PARD3B: variants seen among roughly 807,000 people sequenced by gnomAD.
PARD3B encodes the protein partitioning defective 3 homolog B.
A neutral mutation model predicts 130.2 loss-of-function variants in PARD3B; 103 were observed. The observed-to-expected ratio is 0.79, with a 90% CI of 0.67 to 0.93. The LOEUF (loss-of-function observed/expected upper bound fraction) is 0.93. PARD3B is among the 40% of genes least tolerant of loss of function. The probability of loss-of-function intolerance (pLI) is 0.00; values close to 1 mark genes in which losing one functional copy is unlikely to be tolerated. For synonymous variants in PARD3B, 583 were observed against 553.2 expected (o/e 1.05, Z -0.76); for missense variants, 1,609 against 1,499.2 (o/e 1.07, Z -1.21).
intron 16 of PARD3B, among the ~76,000 whole-genome samples, chr2:205,283,952 T>C (rs957727682): frequency 6.6e-6 from 1 of 152,154 alleles, no homozygotes; most frequent in African/African-American, 2.4e-5. Flanking sequence ...GCTCTTACCT[T>C]GGGGAAGTTA....
chr2:205,001,496 A>G (rs1694825446), intron 3 of PARD3B, among the ~76,000 whole-genome samples: 1 of 152,190 alleles, frequency 6.6e-6, no homozygotes, highest in South Asian at 2.1e-4. Context: ...CTCCAGAACA[A>G]TAGCTTTACT....
intron 1 of PARD3B, among the ~76,000 whole-genome samples, chr2:204,570,794 G>C (rs945324078): frequency 1.3e-5 from 2 of 149,990 alleles, no homozygotes; most frequent in Non-Finnish European, 3.0e-5. Context: ...ATAAGCTGTT[G>C]TAACTGAGGT....
intron 2 of PARD3B, among the ~76,000 whole-genome samples, chr2:204,944,151 A>T (rs1434164099): frequency 6.6e-6 from 1 of 152,262 alleles, no homozygotes; most frequent in African/African-American, 2.4e-5. Context: ...AACAGCAGTG[A>T]AACCAACTAA....
At chr2:205,013,952 T>C (rs1695925139) in intron 3 of PARD3B, among the ~76,000 whole-genome samples, 1 of 152,148 alleles carries the variant, frequency 6.6e-6, no homozygotes, top group Non-Finnish European at 1.5e-5. Context: ...AGAGAAGGCA[T>C]TTCATCTGTA....
chr2:204,998,358 A>ATACATATATATATATATATATATATG (rs1400529301), intron 3 of PARD3B, among the ~76,000 whole-genome samples: 5 of 69,872 alleles, frequency 7.2e-5, no homozygotes, highest in Non-Finnish European at 1.3e-4. Context: ...ATATATATAT[A>ATACATATATATATATATATATATATG]TGTGTGTGTG....
chr2:205,089,888 A>G (rs1216147144), intron 4 of PARD3B, among the ~76,000 whole-genome samples: 1 of 152,186 alleles, frequency 6.6e-6, no homozygotes, highest in Non-Finnish European at 1.5e-5. Flanking sequence ...AAATTAACCA[A>G]TATGTTTGAT....
chr2:205,003,381 G>T (rs1315419694), intron 3 of PARD3B, among the ~76,000 whole-genome samples: 1 of 152,088 alleles, frequency 6.6e-6, no homozygotes, highest in Non-Finnish European at 1.5e-5. Flanking sequence ...CATTGGGGGT[G>T]GTTATTCTGC....
chr2:205,324,629 A>T (rs1304050831), intron 18 of PARD3B, among the ~76,000 whole-genome samples: 3 of 152,084 alleles, frequency 2.0e-5, no homozygotes, highest in Admixed American at 6.6e-5. Context: ...TCCAGCTGTC[A>T]TATTCTGTGA....
intron 1 of PARD3B, among the ~76,000 whole-genome samples, chr2:204,605,134 T>C (rs1434210289): frequency 6.6e-6 from 1 of 152,200 alleles, no homozygotes; most frequent in African/African-American, 2.4e-5. Context: ...GCAAGGCTTC[T>C]TGTGACCTGG....
At chr2:204,937,224 CT>C (rs900253543) in intron 2 of PARD3B, among the ~76,000 whole-genome samples, 2 of 152,230 alleles carry the variant, frequency 1.3e-5, no homozygotes, top group African/African-American at 4.8e-5. Flanking sequence ...TTGCAGTTTA[CT>C]TTTTTTCCTC....
At chr2:205,548,142 G>C (rs1203226273) in intron 21 of PARD3B, among the ~76,000 whole-genome samples, 4 of 152,116 alleles carry the variant, frequency 2.6e-5, no homozygotes, top group African/African-American at 9.6e-5. Context: ...TTAAATGATG[G>C]TGTTCCTAAG....
At chr2:204,635,211 T>G (rs1010377507) in intron 1 of PARD3B, among the ~76,000 whole-genome samples, 3 of 152,198 alleles carry the variant, frequency 2.0e-5, no homozygotes, top group Non-Finnish European at 4.4e-5. Context: ...TGACAAAATC[T>G]TTCAGGCTCA....
rs986929700 is a variant in PARD3B, at chr2:205,401,037, G to A, written c.2655G>A (p.Lys885=). ...GATTTGGAAAGAAGAAAGAGGATAAGGGTGGAAAGGCTGAGCAGAAAGGTA... is the reference window on the plus strand; with the variant it reads ...GATTTGGAAAGAAGAAAGAGGATAAAGGTGGAAAGGCTGAGCAGAAAGGTA... ...MLRFGKKKED[K]GGKAEQKGTL... The change falls in exon 19 of 23, where the codon AAG becomes AAA. Residue 885 remains lysine (K), a synonymous_variant. Transcript: ENST00000406610. 6.2e-7 allele frequency: 1 copy of A among 1,601,194 alleles called. No homozygotes were observed. Among genetic ancestry groups the A allele is most frequent in the African/African-American group, 1.3e-5 (1 of 74,926 alleles).
chr2:205,381,193 A>ATTCT (rs2045427066), intron 18 of PARD3B, among the ~76,000 whole-genome samples: 1 of 120,934 alleles, frequency 8.3e-6, no homozygotes, highest in East Asian at 2.1e-4. Context: ...AAGAATATAT[A>ATTCT]TTATATATAA....
At chr2:204,576,326 CAAGGTACATTTG>C (rs992099315) in intron 1 of PARD3B, among the ~76,000 whole-genome samples, 17 of 152,120 alleles carry the variant, frequency 1.1e-4, no homozygotes, top group African/African-American at 3.9e-4. Context: ...CCCTGGGACA[CAAGGTACATTTG>C]AATGTGTCTC....
chr2:205,437,337 A>T (rs1173276541), intron 19 of PARD3B, among the ~76,000 whole-genome samples: 1 of 152,186 alleles, frequency 6.6e-6, no homozygotes, highest in Non-Finnish European at 1.5e-5. Flanking sequence ...AATCTGACAG[A>T]TATGACAGAA....
intron 2 of PARD3B, among the ~76,000 whole-genome samples, chr2:204,722,808 T>C (rs2039057596): frequency 6.6e-6 from 1 of 152,148 alleles, no homozygotes; most frequent in Non-Finnish European, 1.5e-5. Context: ...GGCAGGACAC[T>C]GTCCTGCAGC....
At chr2:205,383,117 T>TAGATAGATAGATAGAGAGAG (rs1553500369) in intron 18 of PARD3B, among the ~76,000 whole-genome samples, 7 of 149,826 alleles carry the variant, frequency 4.7e-5, no homozygotes, top group Non-Finnish European at 1.0e-4. Flanking sequence ...GATAGATAGA[T>TAGATAGATAGATAGAGAGAG]AGATAGATAG....
chr2:204,798,457 T>C (rs1328880821), intron 2 of PARD3B, among the ~76,000 whole-genome samples: 2 of 152,152 alleles, frequency 1.3e-5, no homozygotes, highest in African/African-American at 4.8e-5. Flanking sequence ...AAAGGCAGTC[T>C]AGGCCACAAG....
Sources: gnomAD v4.1 joint callset for allele counts (sites outside exome capture counted in the v4.1 genomes callset) on GRCh38, gnomAD v4.1.1 for gene constraint, MANE v1.5 for transcripts, NCBI Gene and HGNC (gene_info 2026-07-23, HGNC 2026-07-21) for gene names.